Variants in DOCK8 observed in about 807,000 individuals in gnomAD.
DOCK8 encodes dedicator of cytokinesis protein 8.
Under a neutral mutation model 245.6 loss-of-function variants are expected in DOCK8, and 141 were observed. The observed-to-expected ratio is 0.57, with a 90% CI of 0.50 to 0.66. The LOEUF (loss-of-function observed/expected upper bound fraction) is 0.66. DOCK8 is among the 30% of genes least tolerant of loss of function. The pLI is 0.00. For synonymous variants in DOCK8, 1,168 were observed against 970.2 expected, an observed-to-expected ratio of 1.20 and a Z score of -3.79; for missense variants, 2,965 against 2,603.4, an observed-to-expected ratio of 1.14 and a Z score of -3.02.
intron 36 of DOCK8, 39 bp from the exon 37 acceptor site, chr9:432,127 T>G (rs1390322106): frequency 1.3e-6 from 2 of 1,592,054 alleles, no homozygotes; most frequent in Non-Finnish European, 1.7e-6. Flanking sequence ...TAAGTGTGTC[T>G]TATTTACTTC....
intron 40 of DOCK8, among the ~76,000 whole-genome samples, 161 bp from the exon 41 acceptor site, chr9:441,125 C>T (rs1161688374): frequency 6.6e-6 from 1 of 152,200 alleles, no homozygotes; most frequent in Non-Finnish European, 1.5e-5. Flanking sequence ...AAGGCTACCA[C>T]TGTCCCAAAA....
rs548057886 is a variant in DOCK8, at chr9:363,360, C to T, written c.1680-4658C>T. 2.6e-5 allele frequency among the ~76,000 whole-genome samples: 4 copies of T among 152,350 alleles called. No homozygotes were observed. The South Asian group carries it at 8.3e-4, about 32-fold the overall frequency. ...AAAATTACTTAGATAACATGATTCTCTGGCCAGTATGAGACCCTTAATTTA... is the reference window on the plus strand; with the variant it reads ...AAAATTACTTAGATAACATGATTCTTTGGCCAGTATGAGACCCTTAATTTA... On this transcript the variant is annotated intron_variant, in intron 14 of 47. Coordinates refer to ENST00000432829, the MANE Select transcript of DOCK8 (RefSeq NM_203447.4).
At chr9:259,567 G>A (rs967706058) in intron 1 of DOCK8, among the ~76,000 whole-genome samples, 11 of 152,154 alleles carry the variant, frequency 7.2e-5, no homozygotes, top group Non-Finnish European at 1.5e-4. Context: ...TGATAAACCT[G>A]GTTCATAGCA....
intron 3 of DOCK8, 150 bp from the exon 4 acceptor site, chr9:289,360 T>C: frequency 1.5e-6 from 1 of 686,492 alleles, no homozygotes; most frequent in South Asian, 1.7e-5. Context: ...CCAGGAATAC[T>C]TCAGACATTT....
chr9:215,276 G>A (rs531480147), intron 1 of DOCK8: 14 of 1,607,358 alleles, frequency 8.7e-6, no homozygotes, highest in Admixed American at 1.7e-5. Flanking sequence ...CTCAGCCGCC[G>A]GGGATCCCTT....
At chr9:459,450 A>T (rs1421740100) in intron 46 of DOCK8, among the ~76,000 whole-genome samples, 1 of 152,220 alleles carries the variant, frequency 6.6e-6, no homozygotes, top group Non-Finnish European at 1.5e-5. Flanking sequence ...CACATTTATT[A>T]ATTGCTGTGT....
chr9:451,307 T>A (rs967755471), intron 45 of DOCK8, among the ~76,000 whole-genome samples: 1 of 151,224 alleles, frequency 6.6e-6, no homozygotes, highest in Non-Finnish European at 1.5e-5. Context: ...TAAGACTCTG[T>A]CTCAAAAACA....
chr9:292,077 A>G (rs1284865570), intron 4 of DOCK8, among the ~76,000 whole-genome samples: 2 of 148,064 alleles, frequency 1.4e-5, no homozygotes, highest in Non-Finnish European at 3.0e-5. Flanking sequence ...CTCAAAAAAA[A>G]AAAAAAAAAA....
At chr9:289,046 A>G (rs570319652) in intron 3 of DOCK8, among the ~76,000 whole-genome samples, 1 of 152,226 alleles carries the variant, frequency 6.6e-6, no homozygotes, top group East Asian at 1.9e-4. Flanking sequence ...AACAAAAGCC[A>G]GTGTTTGCAA....
At chr9:336,457 A>T in intron 11 of DOCK8, 125 bp from the exon 12 acceptor site, 1 of 1,336,092 alleles carries the variant, frequency 7.5e-7, no homozygotes, top group Non-Finnish European at 1.1e-6. Flanking sequence ...TTTTCATTCA[A>T]AACAAGGATG....
In DOCK8 at chr9:432,293, C is replaced by T; in HGVS notation, c.4754C>T (p.Thr1585Ile). ...RTILAYSEED[T>I]AMQMTPFPTQ... Reference sequence around the variant, plus strand: ...ATTTTGGCCTATTCAGAAGAGGACACAGCCATGCAGATGACTCCTTTTCCC... The same window carrying T: ...ATTTTGGCCTATTCAGAAGAGGACATAGCCATGCAGATGACTCCTTTTCCC... The change falls in exon 37 of 48, where the codon ACA (threonine) becomes ATA (isoleucine). Residue 1585 changes from threonine to isoleucine, a missense_variant. Thr to Ile is a moderately conservative substitution (Grantham distance 89). Coordinates refer to ENST00000432829, the MANE Select transcript of DOCK8 (RefSeq NM_203447.4). 6.2e-7 allele frequency: 1 copy of T among 1,614,122 alleles called. No individual in the cohort carries two copies. Among genetic ancestry groups the T allele is most frequent in the Non-Finnish European group, 8.5e-7 (1 of 1,180,024 alleles).
Position 399,186 on chromosome 9 carries a change from T to G in DOCK8, c.3161T>G (p.Phe1054Cys). The G allele has an allele frequency of 6.2e-7, 1 of 1,614,110 alleles. No homozygotes were observed. Among genetic ancestry groups the G allele is most frequent in the Non-Finnish European group, 8.5e-7 (1 of 1,180,014 alleles). Residue 1054 changes from phenylalanine (F) to cysteine (C), a missense_variant, in exon 26 of 48, where the codon TTC (phenylalanine) becomes TGC (cysteine). Transcript: ENST00000432829. ...GAAAAGATGAACATCAGCCTGGCTT[T>G]CTTCTTGTATGACCTTCTCTCCCTC... ...QAEKMNISLA[F>C]FLYDLLSLMD...
chr9:240,193 G>T (rs187743903), intron 1 of DOCK8, among the ~76,000 whole-genome samples: 188 of 152,268 alleles, frequency 1.2e-3, no homozygotes, highest in African/African-American at 4.4e-3. Flanking sequence ...CTTGGGGAAA[G>T]TTATTGAAAA....
At position 443,321 on chromosome 9, in the gene DOCK8, C is replaced by T. The variant is rs1045637914; in HGVS notation, c.5491-106C>T. The stretch of plus-strand genomic sequence containing the variant: ...AGAGGAACTCTCAATAATCAGTGAA[C>T]ATCATTCTACCTTGCACTTGCTCCA... On this transcript the variant is annotated intron_variant, in intron 42 of 47. Coordinates refer to ENST00000432829, the MANE Select transcript of DOCK8 (RefSeq NM_203447.4). 7.5e-6 allele frequency: 8 copies of T among 1,062,142 alleles called. No homozygotes were observed. In the African/African-American group the frequency reaches 1.2e-4, roughly 17 times the overall value. 65.8% of individuals were successfully genotyped at this position (1,062,142 alleles called of 1,614,324 possible). A position where few individuals can be genotyped will look rare whatever the true frequency, so the allele number is the denominator to read the frequency against.
intron 7 of DOCK8, among the ~76,000 whole-genome samples, chr9:318,123 T>C (rs1185097140): frequency 1.3e-5 from 2 of 152,264 alleles, no homozygotes; most frequent in African/African-American, 4.8e-5. Flanking sequence ...CTGCAATAGA[T>C]TGTCTTGTGT....
intron 14 of DOCK8, among the ~76,000 whole-genome samples, chr9:363,376 C>G (rs754542): frequency 0.031 from 4,694 of 152,212 alleles, 96 homozygotes; most frequent in Middle Eastern, 0.044. Context: ...AGTATGAGAC[C>G]CTTAATTTAT....
intron 28 of DOCK8, among the ~76,000 whole-genome samples, chr9:413,081 G>A (rs145657577): frequency 6.6e-6 from 1 of 151,972 alleles, no homozygotes. Context: ...AATGAAATTG[G>A]GTTAAGAGTC....
Position 449,875 on chromosome 9 carries a change from C to T in DOCK8, c.5909C>T (p.Ala1970Val). The T allele has an allele frequency of 6.2e-7, 1 of 1,613,810 alleles. No individual in the cohort carries two copies. Among genetic ancestry groups the T allele is most frequent in the Non-Finnish European group, 8.5e-7 (1 of 1,180,022 alleles). ...AVAINQEPPD[A>V]KMLQMVLQGS... Reference sequence around the variant, plus strand: ...GCCATTAACCAGGAGCCGCCTGATGCAAAGATGCTTCAGATGGTGCTGCAA... The same window carrying T: ...GCCATTAACCAGGAGCCGCCTGATGTAAAGATGCTTCAGATGGTGCTGCAA... The change falls in exon 45 of 48, where the codon GCA (alanine) becomes GTA (valine). Residue 1970 changes from alanine (A) to valine (V), a missense_variant. Transcript: ENST00000432829.
Position 387,837 on chromosome 9 carries a change from C to T in DOCK8, c.2874+1411C>T, listed in dbSNP as rs149678995. On this transcript the variant is annotated intron_variant, in intron 23 of 47. Transcript: ENST00000432829. The stretch of plus-strand genomic sequence containing the variant: ...TCCTTTCTTAAAAACCATTATTTGC[C>T]TACAGCCTGACTTCTTTAACCCATG... 4.0e-3 allele frequency among the ~76,000 whole-genome samples: 613 copies of T among 152,342 alleles called. 4 individuals are homozygous for T. Among genetic ancestry groups the T allele is most frequent in the African/African-American group, 0.014 (584 of 41,568 alleles).
Sources: allele counts gnomAD v4.1 joint callset (sites outside exome capture counted in the v4.1 genomes callset), GRCh38; gene constraint gnomAD v4.1.1; transcripts MANE v1.5; gene names NCBI Gene and HGNC (gene_info 2026-07-23, HGNC 2026-07-21).